Variants in GNAI3 observed in about 807,000 individuals in gnomAD.
The protein encoded by GNAI3 is G protein subunit alpha i3, also known as guanine nucleotide-binding protein G(i) subunit alpha-3.
A neutral mutation model predicts 41.8 loss-of-function variants in GNAI3; 12 were observed. That is an observed-to-expected ratio of 0.29 (90% confidence interval 0.18 to 0.47). The LOEUF is 0.47. Among genes scored for constraint, GNAI3 ranks in the 20% least tolerant of loss-of-function variants. The pLI, the probability that GNAI3 is intolerant of heterozygous loss-of-function variation, is 1.00. For missense variants in GNAI3, 360 were observed against 429.6 expected (o/e 0.84, Z 1.43); for synonymous variants, 132 against 146.5 (o/e 0.90, Z 0.71).
chr1:109,598,025 G>A lies in GNAI3; in HGVS notation c.*5703G>A. ...AATAATAAATATTAATACACTGCTG[G>A]GATAGAAGTATCTCAGTGTACCAGC... On this transcript the variant is annotated 3_prime_UTR_variant, in exon 9 of 9. Coordinates refer to ENST00000369851, the MANE Select transcript of GNAI3 (RefSeq NM_006496.4). 6.6e-6 allele frequency: 1 copy of A among 152,242 alleles called. No homozygotes were observed. The highest frequency in any genetic ancestry group is 1.9e-4 in the East Asian group (1 of 5,180). 9.4% of individuals were successfully genotyped at this position (152,242 alleles called of 1,614,324 possible). A position where few individuals can be genotyped will look rare whatever the true frequency, so the allele number is the denominator to read the frequency against.
At chr1:109,554,415 A>G (rs1387974296) in intron 1 of GNAI3, among the ~76,000 whole-genome samples, 1 of 151,926 alleles carries the variant, frequency 6.6e-6, no homozygotes, top group Non-Finnish European at 1.5e-5. Flanking sequence ...TATGGCCATT[A>G]TTGCAGGAGT....
intron 3 of GNAI3, among the ~76,000 whole-genome samples, chr1:109,578,144 T>C (rs1648797221): frequency 1.3e-5 from 2 of 152,100 alleles, no homozygotes; most frequent in South Asian, 4.1e-4. Flanking sequence ...CTCCCTCACA[T>C]ATTTTATGTT....
chr1:109,579,449 G>T, intron 4 of GNAI3, 88 bp downstream of exon 4: 1 of 846,820 alleles, frequency 1.2e-6, no homozygotes, highest in Non-Finnish European at 1.9e-6. Context: ...AAATGTTTAA[G>T]TAATAGACAC....
intron 4 of GNAI3, among the ~76,000 whole-genome samples, chr1:109,579,940 T>A (rs17023914): frequency 0.064 from 9,802 of 152,336 alleles, 1,033 homozygotes; most frequent in African/African-American, 0.22. Flanking sequence ...TATATTAAGC[T>A]ATTACATGTT....
chr1:109,575,084 C>CA (rs781238944), intron 3 of GNAI3, among the ~76,000 whole-genome samples: 1 of 152,062 alleles, frequency 6.6e-6, no homozygotes, highest in Non-Finnish European at 1.5e-5. Context: ...AGACTTGTAT[C>CA]AAAAAATAAG....
chr1:109,582,975 A>G (rs1271679978), intron 5 of GNAI3, among the ~76,000 whole-genome samples: 1 of 152,112 alleles, frequency 6.6e-6, no homozygotes, highest in African/African-American at 2.4e-5. Context: ...TTGTTTTGCC[A>G]TTTTGATTTA....
At position 109,580,243 on chromosome 1, in the gene GNAI3, C is replaced by T. The variant is rs527669986; in HGVS notation, c.461+882C>T. On this transcript the variant is annotated intron_variant, in intron 4 of 8. Transcript: ENST00000369851. The stretch of plus-strand genomic sequence containing the variant: ...TCGATCTCCTGACCTCGTGATCCAC[C>T]CACCTCTGCCTCCCAAAGTGCTGGG... Among the ~76,000 whole-genome samples the T allele has an allele frequency of 3.3e-5, 5 of 152,242 alleles. 1 individual carries two copies. The highest frequency in any genetic ancestry group is 3.3e-4 in the Admixed American group (5 of 15,300).
At chr1:109,580,741 A>G (rs1440785705) in intron 4 of GNAI3, among the ~76,000 whole-genome samples, 1 of 152,226 alleles carries the variant, frequency 6.6e-6, no homozygotes, top group Non-Finnish European at 1.5e-5. Flanking sequence ...AGGGTAATGC[A>G]ATGGCTATGA....
intron 1 of GNAI3, among the ~76,000 whole-genome samples, chr1:109,572,638 AG>A (rs1188373781): frequency 6.6e-6 from 1 of 152,160 alleles, no homozygotes; most frequent in Non-Finnish European, 1.5e-5. Flanking sequence ...TGCTGCAAAG[AG>A]GGATAGAGAA....
chr1:109,579,986 G>T (rs1648845852), intron 4 of GNAI3, among the ~76,000 whole-genome samples: 1 of 152,102 alleles, frequency 6.6e-6, no homozygotes, highest in Non-Finnish European at 1.5e-5. Context: ...ACTTATTTAT[G>T]AAACCTAGAT....
chr1:109,573,982 C>G lies in GNAI3; in HGVS notation c.248C>G (p.Ala83Gly). 1 of 1,611,066 alleles carries G rather than the reference C, an allele frequency of 6.2e-7. No homozygotes were observed. Among genetic ancestry groups the G allele is most frequent in the Non-Finnish European group, 8.5e-7 (1 of 1,177,392 alleles). The change falls in exon 3 of 9, where the codon GCA becomes GGA. Residue 83 changes from alanine (A) to glycine (G), a missense_variant. Coordinates refer to ENST00000369851, the MANE Select transcript of GNAI3 (RefSeq NM_006496.4). ...VYSNTIQSIIAIIRAMGRLKI... is the reference protein window; with the variant it reads ...VYSNTIQSIIGIIRAMGRLKI... Reference sequence around the variant, plus strand: ...AGCAATACTATACAGTCCATCATTGCAATCATAAGAGCCATGGGACGGCTA... The same window carrying G: ...AGCAATACTATACAGTCCATCATTGGAATCATAAGAGCCATGGGACGGCTA...
At chr1:109,564,261 C>T (rs1648392202) in intron 1 of GNAI3, among the ~76,000 whole-genome samples, 1 of 151,888 alleles carries the variant, frequency 6.6e-6, no homozygotes, top group South Asian at 2.1e-4. Context: ...CTATTTCTGC[C>T]TTTATTTTAT....
rs1649343088 is a variant in GNAI3 at position 109,597,740 on chromosome 1, A to T, written c.*5418A>T. 1 of 152,218 alleles carries T rather than the reference A, an allele frequency of 6.6e-6. No individual in the cohort carries two copies. Among genetic ancestry groups the T allele is most frequent in the Admixed American group, 6.5e-5 (1 of 15,272 alleles). The allele number at this position is 152,218 out of a possible 1,614,324, so 9.4% of individuals were successfully genotyped here. On this transcript the variant is annotated 3_prime_UTR_variant, in exon 9 of 9. Transcript: ENST00000369851. ...TTCATTTATTTTACTGCATTTATTT[A>T]TGCAGTGAAAATTGAAAGATACACC...
chr1:109,568,328 G>A (rs1006301328), intron 1 of GNAI3, among the ~76,000 whole-genome samples: 9 of 152,124 alleles, frequency 5.9e-5, no homozygotes, highest in African/African-American at 1.9e-4. Context: ...GATCTCAGGA[G>A]TTTGAGCCCA....
At chr1:109,581,346 C>T (rs530671228) in intron 4 of GNAI3, among the ~76,000 whole-genome samples, 1 of 151,658 alleles carries the variant, frequency 6.6e-6, no homozygotes, top group Non-Finnish European at 1.5e-5. Context: ...AATATTCTTA[C>T]TCACTATAGT....
At chr1:109,584,780 C>G (rs750886154) in intron 5 of GNAI3, among the ~76,000 whole-genome samples, 1 of 152,164 alleles carries the variant, frequency 6.6e-6, no homozygotes, top group Non-Finnish European at 1.5e-5. Context: ...GCTAAAAGCC[C>G]ACCTTGGAAC....
chr1:109,584,010 A>C (rs1237712817), intron 5 of GNAI3, among the ~76,000 whole-genome samples: 1 of 152,116 alleles, frequency 6.6e-6, no homozygotes, highest in East Asian at 1.9e-4. Flanking sequence ...ATTAGGAGTA[A>C]ACTTTTCCCC....
chr1:109,558,251 C>T (rs958072502), intron 1 of GNAI3, among the ~76,000 whole-genome samples: 6 of 151,982 alleles, frequency 3.9e-5, no homozygotes, highest in Non-Finnish European at 8.8e-5. Flanking sequence ...GGTGAAGCCC[C>T]GTCTTTTCTG....
chr1:109,598,665 TG>T lies in GNAI3; in HGVS notation c.*6344del, dbSNP rs1006288322. On this transcript the variant is annotated 3_prime_UTR_variant, in exon 9 of 9. Transcript: ENST00000369851. ...TTGCTCTAAAATTCGTGAAGCAGGG[TG>T]AAAAGGTCTTTGCTTTGTTTTACAT... is the stretch of plus-strand genomic sequence containing the variant. 3 of 218,096 alleles carry T rather than the reference TG, an allele frequency of 1.4e-5. No homozygotes were observed. The highest frequency in any genetic ancestry group is 2.9e-5 in the Non-Finnish European group (3 of 102,038). 13.5% of individuals were successfully genotyped at this position (218,096 alleles called of 1,614,324 possible).
Sources: allele counts gnomAD v4.1 joint callset (sites outside exome capture counted in the v4.1 genomes callset), GRCh38; gene constraint gnomAD v4.1.1; transcripts MANE v1.5; gene names NCBI Gene and HGNC (gene_info 2026-07-23, HGNC 2026-07-21).